PTP4A2: variants seen among roughly 807,000 people sequenced by gnomAD.
The protein encoded by PTP4A2 is protein tyrosine phosphatase type IVA 2.
In PTP4A2, 2 loss-of-function variants were observed where a neutral mutation model predicts 22.9. The observed-to-expected ratio is 0.09, with a 90% CI of 0.04 to 0.27. The LOEUF is 0.27. Ranked by LOEUF, PTP4A2 falls within the 10% of genes least tolerant of loss-of-function variation. PTP4A2 has a pLI of 1.00. For synonymous variants in PTP4A2, 68 were observed against 69.1 expected, an observed-to-expected ratio of 0.98 and a Z score of 0.08; for missense variants, 103 against 205.1, an observed-to-expected ratio of 0.50 and a Z score of 3.04.
chr1:31,924,338 G>C (rs1318301691), intron 1 of PTP4A2, among the ~76,000 whole-genome samples: 2 of 152,288 alleles, frequency 1.3e-5, no homozygotes, highest in Admixed American at 6.5e-5. Flanking sequence ...ACTTTTAACA[G>C]ATACATGATA....
At chr1:31,918,332 G>C (rs890036535) in intron 2 of PTP4A2, among the ~76,000 whole-genome samples, 11 of 151,800 alleles carry the variant, frequency 7.2e-5, no homozygotes, top group African/African-American at 2.7e-4. Flanking sequence ...AAAATATTAA[G>C]GATCTGACAT....
intron 3 of PTP4A2, among the ~76,000 whole-genome samples, chr1:31,913,437 G>A (rs888697662): frequency 1.7e-4 from 26 of 152,076 alleles, no homozygotes; most frequent in African/African-American, 5.6e-4. Flanking sequence ...CCCAGTAATG[G>A]GATTGCTGGA....
intron 1 of PTP4A2, among the ~76,000 whole-genome samples, chr1:31,920,693 AC>A (rs1454883793): frequency 6.6e-6 from 1 of 151,620 alleles, no homozygotes; most frequent in African/African-American, 2.4e-5. Context: ...GCCCACCACC[AC>A]ACCTGGCTAA....
At chr1:31,929,261 C>A (rs933325149) in intron 1 of PTP4A2, among the ~76,000 whole-genome samples, 2 of 152,152 alleles carry the variant, frequency 1.3e-5, no homozygotes, top group African/African-American at 4.8e-5. Flanking sequence ...CTATGGCCAA[C>A]GCCGACTTTC....
intron 3 of PTP4A2, 42 bp from the exon 4 acceptor site, chr1:31,911,868 C>A: frequency 6.8e-7 from 1 of 1,481,204 alleles, no homozygotes; most frequent in Non-Finnish European, 9.1e-7. Flanking sequence ...ATATTTTCTC[C>A]ATGATTAACA....
rs564505476 is a variant in PTP4A2, at chr1:31,907,136, G to A, written c.*1716C>T. On this transcript the variant is annotated 3_prime_UTR_variant, in exon 6 of 6. Coordinates refer to ENST00000647444, the MANE Select transcript of PTP4A2 (RefSeq NM_080391.4). Reference sequence around the variant, plus strand: ...GGTCAACATGTGAGGTATCATCAGTGTGAGACAAGGTCCCGGTCTGTTCCT... The same window carrying A: ...GGTCAACATGTGAGGTATCATCAGTATGAGACAAGGTCCCGGTCTGTTCCT... 1 of 152,328 alleles carries A rather than the reference G, an allele frequency of 6.6e-6. No homozygotes were observed. The highest frequency in any genetic ancestry group is 1.9e-4 in the East Asian group (1 of 5,190). The allele number at this position is 152,328 out of a possible 1,614,324, so 9.4% of individuals were successfully genotyped here.
At chr1:31,922,207 G>A (rs887530246) in intron 1 of PTP4A2, among the ~76,000 whole-genome samples, 1 of 152,170 alleles carries the variant, frequency 6.6e-6, no homozygotes, top group Admixed American at 6.6e-5. Flanking sequence ...AAAGTTGGCC[G>A]GGCGTGATGG....
intron 3 of PTP4A2, among the ~76,000 whole-genome samples, chr1:31,913,333 G>A (rs1056034820): frequency 7.2e-5 from 11 of 152,190 alleles, no homozygotes; most frequent in Non-Finnish European, 1.5e-4. Flanking sequence ...GTTTTTTCAA[G>A]TGTAAGTTAA....
intron 1 of PTP4A2, among the ~76,000 whole-genome samples, chr1:31,926,172 ATC>A (rs1334051655): frequency 2.0e-5 from 3 of 147,252 alleles, no homozygotes; most frequent in Non-Finnish European, 4.5e-5. Context: ...ATATATATTT[ATC>A]TCTCCTATCA....
intron 1 of PTP4A2, among the ~76,000 whole-genome samples, chr1:31,920,582 G>A (rs1316269523): frequency 7.3e-6 from 1 of 137,372 alleles, no homozygotes; most frequent in African/African-American, 2.8e-5. Flanking sequence ...CTGTCACCCA[G>A]GCTGAAGTGC....
At position 31,919,027 on chromosome 1, in the gene PTP4A2, G is replaced by C; in HGVS notation, c.39C>G (p.Asn13Lys). ...RPAPVEISYE[N>K]MRFLITHNPT... ...GGTTGTGAGTTATCAGAAAACGCAT[G>C]TTCTCATAGGAGATCTCCACAGGGG... The change falls in exon 2 of 6, where the codon AAC (asparagine) becomes AAG (lysine). Residue 13 changes from asparagine (N) to lysine (K), a missense_variant. Asn to Lys is a moderately conservative substitution (Grantham distance 94, BLOSUM62 0). Around this residue, in one of 3 missense-constraint regions of PTP4A2, gnomAD observed 66 missense variants for 113.0 expected, o/e 0.58. Coordinates refer to ENST00000647444, the MANE Select transcript of PTP4A2 (RefSeq NM_080391.4). 2 of 1,608,722 alleles carry C rather than the reference G, an allele frequency of 1.2e-6. No homozygotes were observed. Among genetic ancestry groups the C allele is most frequent in the Non-Finnish European group, 1.7e-6 (2 of 1,175,654 alleles).
rs563795202 is a variant in PTP4A2, at chr1:31,926,085, C to T, written c.-593-6427G>A. Among the ~76,000 whole-genome samples, 21 of 146,472 alleles carry T rather than the reference C, an allele frequency of 1.4e-4. 1 individual carries two copies. The highest frequency in any genetic ancestry group is 8.6e-4 in the South Asian group (4 of 4,670). On this transcript the variant is annotated intron_variant, in intron 1 of 5. Transcript: ENST00000647444. ...CGGAGGTTGCAGTGAACTGAGATTG[C>T]GCCACTGCACTCCAGCCTGGCCACA...
chr1:31,907,959 G>T lies in PTP4A2; in HGVS notation c.*893C>A, dbSNP rs1230255576. The T allele has an allele frequency of 6.6e-6, 1 of 150,492 alleles. No individual in the cohort carries two copies. Among genetic ancestry groups the T allele is most frequent in the Non-Finnish European group, 1.5e-5 (1 of 67,678 alleles). The allele number at this position is 150,492 out of a possible 1,614,324, so 9.3% of individuals were successfully genotyped here. On this transcript the variant is annotated 3_prime_UTR_variant, in exon 6 of 6. Coordinates refer to ENST00000647444, the MANE Select transcript of PTP4A2 (RefSeq NM_080391.4). ...AGAATTCGACTCTCAGGTAAGTTGA[G>T]AAGAGACTCCTCTTAAAATGCCATT...
rs1249457594 is a variant in PTP4A2 at position 31,907,586 on chromosome 1, A to C, written c.*1266T>G. 1 of 152,082 alleles carries C rather than the reference A, an allele frequency of 6.6e-6. No individual in the cohort carries two copies. The highest frequency in any genetic ancestry group is 1.5e-5 in the Non-Finnish European group (1 of 68,008). The allele number at this position is 152,082 out of a possible 1,614,324, so 9.4% of individuals were successfully genotyped here. ...AGGGATTTTTTTTTTTTAATCTCAA[A>C]AAACCTAGTAATAACAAGGCAATCA... is the stretch of plus-strand genomic sequence containing the variant. On this transcript the variant is annotated 3_prime_UTR_variant, in exon 6 of 6. Coordinates refer to ENST00000647444, the MANE Select transcript of PTP4A2 (RefSeq NM_080391.4).
chr1:31,926,244 C>T (rs1436759347), intron 1 of PTP4A2, among the ~76,000 whole-genome samples: 11 of 149,538 alleles, frequency 7.4e-5, no homozygotes, highest in Non-Finnish European at 1.3e-4. Flanking sequence ...TTAAATGATA[C>T]AATAAACCCT....
intron 1 of PTP4A2, among the ~76,000 whole-genome samples, chr1:31,934,614 C>G (rs1262713238): frequency 6.6e-6 from 1 of 152,138 alleles, no homozygotes; most frequent in African/African-American, 2.4e-5. Flanking sequence ...TTAATTACTG[C>G]ATAAGGAAAT....
intron 2 of PTP4A2, 104 bp downstream of exon 2, chr1:31,918,866 A>G (rs1651995505): frequency 1.5e-6 from 1 of 670,706 alleles, no homozygotes. Flanking sequence ...CAGGATTGGC[A>G]GGATGACTCC....
At chr1:31,920,008 C>A (rs2124194462) in intron 1 of PTP4A2, among the ~76,000 whole-genome samples, 1 of 149,870 alleles carries the variant, frequency 6.7e-6, no homozygotes, top group Non-Finnish European at 1.5e-5. Flanking sequence ...TGCCTGTAAT[C>A]CCAGCTACTC....
At chr1:31,937,490 C>G (rs1318869108) in intron 1 of PTP4A2, among the ~76,000 whole-genome samples, 2 of 151,834 alleles carry the variant, frequency 1.3e-5, no homozygotes, top group Admixed American at 1.3e-4. Context: ...CACACCCTAC[C>G]ACACTCCTGC....
Sources: allele counts gnomAD v4.1 joint callset (sites outside exome capture counted in the v4.1 genomes callset), GRCh38; gene constraint gnomAD v4.1.1; regional missense constraint gnomAD v4.1.1; transcripts MANE v1.5; gene names NCBI Gene and HGNC (gene_info 2026-07-23, HGNC 2026-07-21).